Variants in CCDC152 observed in about 807,000 individuals in gnomAD.
CCDC152 encodes the protein coiled-coil domain containing 152.
In CCDC152, 37 loss-of-function variants were observed where a neutral mutation model predicts 38.1. The ratio of observed to expected loss-of-function variants is 0.97; its 90% confidence interval spans 0.75 to 1.28. The LOEUF (loss-of-function observed/expected upper bound fraction) is 1.28. Ranked by LOEUF, CCDC152 falls within the 50% of genes most tolerant of loss-of-function variation. The probability of loss-of-function intolerance (pLI) is 0.00; values close to 1 mark genes in which losing one functional copy is unlikely to be tolerated. For missense variants in CCDC152, 259 were observed against 292.1 expected (o/e 0.89, Z 0.83); for synonymous variants, 83 against 87.1 (o/e 0.95, Z 0.26).
At chr5:42,789,931 G>A (rs1759975407) in intron 6 of CCDC152, among the ~76,000 whole-genome samples, 1 of 152,050 alleles carries the variant, frequency 6.6e-6, no homozygotes, top group Non-Finnish European at 1.5e-5. Flanking sequence ...ACAACTTCTT[G>A]GAAAGCAACA....
rs796922624 is a variant in CCDC152, at chr5:42,802,372, T to C, written c.*2591T>C. 1 of 152,178 alleles carries C rather than the reference T, an allele frequency of 6.6e-6. No individual in the cohort carries two copies. The highest frequency in any genetic ancestry group is 2.4e-5 in the African/African-American group (1 of 41,446). 9.4% of individuals were successfully genotyped at this position (152,178 alleles called of 1,614,324 possible). ...ACTTAGAACCCAAAGACTCACTAAG[T>C]GATATGCTTTTGATGTTTTGAAGGT... On this transcript the variant is annotated 3_prime_UTR_variant, in exon 9 of 9. Transcript: ENST00000361970.
intron 2 of CCDC152, among the ~76,000 whole-genome samples, chr5:42,759,541 A>G (rs1274421549): frequency 3.3e-5 from 5 of 152,234 alleles, no homozygotes; most frequent in Non-Finnish European, 5.9e-5. Context: ...ACAGTGGTCC[A>G]AAACTATTAA....
intron 2 of CCDC152, among the ~76,000 whole-genome samples, chr5:42,759,587 T>C (rs1759522463): frequency 6.6e-6 from 1 of 152,216 alleles, no homozygotes; most frequent in Non-Finnish European, 1.5e-5. Context: ...TCATAAATTT[T>C]AAATTCTGCA....
chr5:42,776,825 A>G (rs1264596856), intron 4 of CCDC152, among the ~76,000 whole-genome samples: 1 of 152,256 alleles, frequency 6.6e-6, no homozygotes, highest in Non-Finnish European at 1.5e-5. Context: ...AGTGGTCAAA[A>G]AACAAATATC....
rs183348274 is a variant in CCDC152 at position 42,763,793 on chromosome 5, C to A, written c.193+1245C>A. Among the ~76,000 whole-genome samples, 6 of 152,076 alleles carry A rather than the reference C, an allele frequency of 3.9e-5. No individual in the cohort carries two copies. In the East Asian group the frequency reaches 7.7e-4, roughly 20 times the overall value. The stretch of plus-strand genomic sequence containing the variant: ...TCACAGCCAAGGTTTGAAGATATAG[C>A]CCTAAAAAGTAAAGTTTATTAAAAG... On this transcript the variant is annotated intron_variant, in intron 3 of 8. Coordinates refer to ENST00000361970, the MANE Select transcript of CCDC152 (RefSeq NM_001134848.2).
In CCDC152 at chr5:42,759,173, G is replaced by T. The variant is rs776583033; in HGVS notation, c.52G>T (p.Asp18Tyr). 1 of 1,550,780 alleles carries T rather than the reference G, an allele frequency of 6.4e-7. No homozygotes were observed. Among genetic ancestry groups the T allele is most frequent in the South Asian group, 1.2e-5 (1 of 83,930 alleles). Reference sequence around the variant, plus strand: ...GAAAAAGATTAGCAGTGTGAATCTTGACAAACTTATAAATGACTTCTCACA... The same window carrying T: ...GAAAAAGATTAGCAGTGTGAATCTTTACAAACTTATAAATGACTTCTCACA... ...CMKKISSVNL[D>Y]KLINDFSQIE... Residue 18 changes from aspartate (D) to tyrosine (Y), a missense_variant, in exon 2 of 9, where the codon GAC (aspartate) becomes TAC (tyrosine). Coordinates refer to ENST00000361970, the MANE Select transcript of CCDC152 (RefSeq NM_001134848.2).
chr5:42,766,046 G>A (rs1359928390), intron 3 of CCDC152, among the ~76,000 whole-genome samples: 1 of 152,034 alleles, frequency 6.6e-6, no homozygotes, highest in East Asian at 1.9e-4. Context: ...AATATGTAAG[G>A]AGCTCAAACA....
At chr5:42,790,171 A>G (rs1759978549) in intron 6 of CCDC152, among the ~76,000 whole-genome samples, 1 of 152,210 alleles carries the variant, frequency 6.6e-6, no homozygotes, top group Non-Finnish European at 1.5e-5. Context: ...TTACTATCCC[A>G]GAGACATACA....
chr5:42,768,748 C>T, intron 3 of CCDC152, among the ~76,000 whole-genome samples: 1 of 152,166 alleles, frequency 6.6e-6, no homozygotes, highest in Non-Finnish European at 1.5e-5. Flanking sequence ...TATACCAAAA[C>T]AATATAATTT....
intron 2 of CCDC152, among the ~76,000 whole-genome samples, chr5:42,761,572 C>T (rs987191276): frequency 6.6e-6 from 1 of 151,830 alleles, no homozygotes; most frequent in African/African-American, 2.4e-5. Flanking sequence ...CCAAGATTGC[C>T]CCACTGCACT....
At chr5:42,762,315 A>G (rs1759563636) in intron 2 of CCDC152, 128 bp from the exon 3 acceptor site, 2 of 594,922 alleles carry the variant, frequency 3.4e-6, no homozygotes, top group East Asian at 2.9e-5. Flanking sequence ...ACATGACTGT[A>G]TATGTATTTT....
chr5:42,772,941 C>T (rs1759719815), intron 4 of CCDC152, among the ~76,000 whole-genome samples: 1 of 152,178 alleles, frequency 6.6e-6, no homozygotes, highest in Non-Finnish European at 1.5e-5. Context: ...TTCACTTAAC[C>T]ATATGCCTCA....
At chr5:42,787,439 T>C (rs1759937098) in intron 6 of CCDC152, among the ~76,000 whole-genome samples, 1 of 152,126 alleles carries the variant, frequency 6.6e-6, no homozygotes. Flanking sequence ...TCTTGATCTC[T>C]TTGAGTTGCC....
chr5:42,760,205 G>T (rs1312180115), intron 2 of CCDC152, among the ~76,000 whole-genome samples: 2 of 151,208 alleles, frequency 1.3e-5, no homozygotes, highest in African/African-American at 4.9e-5. Context: ...TCCGGAGGCT[G>T]ACGCAGGAGA....
At chr5:42,781,578 C>T (rs796478349) in intron 5 of CCDC152, among the ~76,000 whole-genome samples, 40 of 152,062 alleles carry the variant, frequency 2.6e-4, no homozygotes, top group Admixed American at 6.5e-4. Flanking sequence ...CACACACACA[C>T]ACATACACAC....
chr5:42,798,494 A>C (rs1174911290), intron 7 of CCDC152, among the ~76,000 whole-genome samples: 1 of 152,180 alleles, frequency 6.6e-6, no homozygotes, highest in Non-Finnish European at 1.5e-5. Context: ...AGTGTACCAC[A>C]AACCACAGGA....
At chr5:42,761,652 G>T (rs1759555609) in intron 2 of CCDC152, among the ~76,000 whole-genome samples, 1 of 152,074 alleles carries the variant, frequency 6.6e-6, no homozygotes, top group African/African-American at 2.4e-5. Context: ...GATCTATGTG[G>T]GTTTACATGA....
At chr5:42,796,361 A>G (rs1238741154) in intron 6 of CCDC152, among the ~76,000 whole-genome samples, 3 of 152,068 alleles carry the variant, frequency 2.0e-5, no homozygotes, top group South Asian at 2.1e-4. Context: ...CCTAGATGTC[A>G]TGGTGTCATT....
chr5:42,758,831 A>T (rs541366928), intron 1 of CCDC152, among the ~76,000 whole-genome samples: 4 of 152,202 alleles, frequency 2.6e-5, no homozygotes, highest in Non-Finnish European at 5.9e-5. Context: ...ATTAAGAATA[A>T]TTACAGTTAA....
Sources: gnomAD v4.1 joint callset for allele counts (sites outside exome capture counted in the v4.1 genomes callset) on GRCh38, gnomAD v4.1.1 for gene constraint, MANE v1.5 for transcripts, NCBI Gene and HGNC (gene_info 2026-07-23, HGNC 2026-07-21) for gene names.